Variants in TSPAN15 observed in about 807,000 individuals in gnomAD.
The protein encoded by TSPAN15 is tetraspanin 15.
TSPAN15 carries 20 observed loss-of-function variants against 34.5 expected under a neutral mutation model. The observed-to-expected ratio is 0.58, with a 90% CI of 0.41 to 0.84. TSPAN15 has a LOEUF of 0.84. Ranked by LOEUF, TSPAN15 falls within the 40% of genes least tolerant of loss-of-function variation. The probability of loss-of-function intolerance (pLI) is 0.00; values close to 1 mark genes in which losing one functional copy is unlikely to be tolerated. For synonymous variants in TSPAN15, 155 were observed against 153.9 expected, an observed-to-expected ratio of 1.01 and a Z score of -0.05; for missense variants, 313 against 386.1, an observed-to-expected ratio of 0.81 and a Z score of 1.59.
chr10:69,501,546 A>G (rs1367207456), intron 5 of TSPAN15, among the ~76,000 whole-genome samples: 4 of 152,220 alleles, frequency 2.6e-5, no homozygotes, highest in Non-Finnish European at 4.4e-5. Flanking sequence ...ATGTAGTGTA[A>G]AAAACTAAAA....
At chr10:69,525,629 T>G in the TSPAN15 span, among the ~76,000 whole-genome samples, 1 of 146,914 alleles carries the variant, frequency 6.8e-6, no homozygotes. Flanking sequence ...GAGACCAGCC[T>G]GGCCAACATG....
In TSPAN15 at chr10:69,464,036, G is replaced by A. The variant is rs943625464; in HGVS notation, c.96+12346G>A. 3.3e-5 allele frequency among the ~76,000 whole-genome samples: 5 copies of A among 152,194 alleles called. 1 individual carries two copies. Among genetic ancestry groups the A allele is most frequent in the African/African-American group, 1.2e-4 (5 of 41,450 alleles). ...GAAGAGGAGGCCACGGGCACACAGA[G>A]GAAACTGAGTATACACGGCCTTCTG... On this transcript the variant is annotated intron_variant, in intron 1 of 7. Transcript: ENST00000373290.
At chr10:69,465,356 G>T (rs1841361753) in intron 1 of TSPAN15, among the ~76,000 whole-genome samples, 1 of 152,216 alleles carries the variant, frequency 6.6e-6, no homozygotes, top group African/African-American at 2.4e-5. Flanking sequence ...CTTCTGGCCT[G>T]TTCATTTCTA....
chr10:69,508,440 C>CAAA (rs71009229), downstream of TSPAN15, among the ~76,000 whole-genome samples: 194 of 62,142 alleles, frequency 3.1e-3, 3 homozygotes, highest in African/African-American at 9.3e-3. Flanking sequence ...GACTCCATCT[C>CAAA]AAAAAAAAAA....
At chr10:69,474,653 T>C (rs534743235) in intron 1 of TSPAN15, among the ~76,000 whole-genome samples, 1 of 152,082 alleles carries the variant, frequency 6.6e-6, no homozygotes, top group East Asian at 1.9e-4. Flanking sequence ...CAGCAGTACT[T>C]TGACACAGGA....
At chr10:69,488,460 C>G (rs1156696957) in intron 3 of TSPAN15, among the ~76,000 whole-genome samples, 3 of 152,088 alleles carry the variant, frequency 2.0e-5, no homozygotes, top group Admixed American at 2.0e-4. Context: ...TGCCATGGGC[C>G]CTGGTAACTC....
At chr10:69,493,639 A>T (rs1214346230) in intron 3 of TSPAN15, among the ~76,000 whole-genome samples, 1 of 151,814 alleles carries the variant, frequency 6.6e-6, no homozygotes, top group African/African-American at 2.4e-5. Flanking sequence ...CGCCTGGCTA[A>T]TTTTTTGTAT....
chr10:69,504,062 C>T (rs1317684106), intron 5 of TSPAN15, among the ~76,000 whole-genome samples: 3 of 152,202 alleles, frequency 2.0e-5, no homozygotes. Flanking sequence ...CCCCAAGAGC[C>T]AGCGGCGCAG....
chr10:69,485,550 T>G (rs1841834336), intron 3 of TSPAN15, among the ~76,000 whole-genome samples: 3 of 150,012 alleles, frequency 2.0e-5, no homozygotes, highest in South Asian at 2.1e-4. Flanking sequence ...GTAGGTGGGG[T>G]GGAGAGGGGT....
intron 1 of TSPAN15, among the ~76,000 whole-genome samples, chr10:69,482,965 A>ATTT (rs201958040): frequency 6.6e-6 from 1 of 151,026 alleles, no homozygotes. Context: ...GGCAGGGTTG[A>ATTT]TTTTTTTTTT....
chr10:69,528,731 T>C, the TSPAN15 span, among the ~76,000 whole-genome samples: 11 of 148,330 alleles, frequency 7.4e-5, 1 homozygote, highest in Non-Finnish European at 1.3e-4. Flanking sequence ...CAGGGTATCC[T>C]GATGAGGGTG....
the TSPAN15 span, among the ~76,000 whole-genome samples, chr10:69,519,142 C>T: frequency 6.6e-6 from 1 of 152,178 alleles, no homozygotes; most frequent in Non-Finnish European, 1.5e-5. Context: ...TAGGGCTGGG[C>T]GCGGTGGCCC....
At chr10:69,514,743 G>T in the TSPAN15 span, among the ~76,000 whole-genome samples, 4 of 152,082 alleles carry the variant, frequency 2.6e-5, no homozygotes, top group Non-Finnish European at 4.4e-5. Context: ...CTGGCTAGGG[G>T]TTTATAGATT....
chr10:69,485,300 A>C (rs541218404), intron 3 of TSPAN15, 85 bp downstream of exon 3: 1 of 1,119,556 alleles, frequency 8.9e-7, no homozygotes, highest in East Asian at 2.3e-5. Flanking sequence ...TATGGCAGTG[A>C]GCAGGGCAGA....
intron 1 of TSPAN15, among the ~76,000 whole-genome samples, chr10:69,468,089 G>A (rs1373476626): frequency 6.6e-6 from 1 of 152,110 alleles, no homozygotes; most frequent in Admixed American, 6.5e-5. Context: ...CTGGAAAACT[G>A]TCCCCACCCA....
At chr10:69,472,350 G>A (rs1841524788) in intron 1 of TSPAN15, among the ~76,000 whole-genome samples, 1 of 152,140 alleles carries the variant, frequency 6.6e-6, no homozygotes, top group African/African-American at 2.4e-5. Flanking sequence ...ACCTCCTCCA[G>A]GAAGCCTTCC....
At chr10:69,468,766 A>AT (rs1841442553) in intron 1 of TSPAN15, among the ~76,000 whole-genome samples, 1 of 146,360 alleles carries the variant, frequency 6.8e-6, no homozygotes, top group South Asian at 2.2e-4. Context: ...TGTCCATCTG[A>AT]TTAAAAAAAA....
At chr10:69,495,069 C>A in intron 3 of TSPAN15, 1 of 169,296 alleles carries the variant, frequency 5.9e-6, no homozygotes, top group Non-Finnish European at 1.2e-5. Flanking sequence ...CCTGGCAAGA[C>A]CCCACCCAGC....
chr10:69,495,598 T>C lies in TSPAN15; in HGVS notation c.362T>C (p.Ile121Thr), dbSNP rs771441216. The change falls in exon 4 of 8, where the codon ATT becomes ACT. Residue 121 changes from isoleucine to threonine, a missense_variant. By Grantham distance (89) the Ile-to-Thr change is moderately conservative. Coordinates refer to ENST00000373290, the MANE Select transcript of TSPAN15 (RefSeq NM_012339.5). Reference sequence around the variant, plus strand: ...GTAATTTCTCCTTTTGAATAGACCATTGACTTCCTGAACGACAACATTCGA... The same window carrying C: ...GTAATTTCTCCTTTTGAATAGACCACTGACTTCCTGAACGACAACATTCGA... ...VVALTFRNQT[I>T]DFLNDNIRRG... 3 of 1,611,712 alleles carry C rather than the reference T, an allele frequency of 1.9e-6. No homozygotes were observed. Among genetic ancestry groups the C allele is most frequent in the Non-Finnish European group, 2.5e-6 (3 of 1,177,794 alleles).
Sources: gnomAD v4.1 joint callset for allele counts (sites outside exome capture counted in the v4.1 genomes callset) on GRCh38, gnomAD v4.1.1 for gene constraint, MANE v1.5 for transcripts, NCBI Gene and HGNC (gene_info 2026-07-23, HGNC 2026-07-21) for gene names.